CRYZL1: variants seen among roughly 807,000 people sequenced by gnomAD.
The protein encoded by CRYZL1 is crystallin zeta like 1.
A neutral mutation model predicts 50.6 loss-of-function variants in CRYZL1; 34 were observed. The observed-to-expected ratio is 0.67, with a 90% CI of 0.51 to 0.89. The LOEUF (loss-of-function observed/expected upper bound fraction) is 0.89. Among genes scored for constraint, CRYZL1 ranks in the 40% least tolerant of loss-of-function variants. The probability of loss-of-function intolerance (pLI) is 0.00; values close to 1 mark genes in which losing one functional copy is unlikely to be tolerated. For missense variants in CRYZL1, 354 were observed against 402.3 expected, an observed-to-expected ratio of 0.88 and a Z score of 1.03; for synonymous variants, 125 against 134.3, an observed-to-expected ratio of 0.93 and a Z score of 0.48.
At chr21:33,632,555 T>G (rs997570120) in intron 1 of CRYZL1, among the ~76,000 whole-genome samples, 8 of 151,822 alleles carry the variant, frequency 5.3e-5, no homozygotes, top group Admixed American at 4.6e-4. Flanking sequence ...ATTTTGTATT[T>G]TTAGTACAGA....
At chr21:33,630,589 TAA>T (rs533376675) in intron 2 of CRYZL1, among the ~76,000 whole-genome samples, 45 of 134,212 alleles carry the variant, frequency 3.4e-4, no homozygotes, top group Admixed American at 3.0e-4. Flanking sequence ...CTGTCGCAAT[TAA>T]AAAAAAAAAA....
At chr21:33,631,620 A>C (rs2087138467) in intron 1 of CRYZL1, 63 bp from the exon 2 acceptor site, 5 of 1,137,878 alleles carry the variant, frequency 4.4e-6, no homozygotes, top group Non-Finnish European at 5.9e-6. Flanking sequence ...TGTAAGCAAA[A>C]ATGGAAAAAC....
intron 1 of CRYZL1, among the ~76,000 whole-genome samples, chr21:33,637,786 T>C (rs181807400): frequency 0.02 from 2,778 of 141,246 alleles, 88 homozygotes; most frequent in African/African-American, 0.068. Context: ...TATATATATA[T>C]ATACACACAC....
intron 1 of CRYZL1, among the ~76,000 whole-genome samples, chr21:33,637,401 C>T (rs927072366): frequency 2.0e-5 from 3 of 149,514 alleles, no homozygotes; most frequent in African/African-American, 7.4e-5. Context: ...GCCGAGATCG[C>T]GCCACTGCAC....
intron 1 of CRYZL1, among the ~76,000 whole-genome samples, chr21:33,634,040 A>G (rs550344273): frequency 1.5e-4 from 23 of 152,382 alleles, no homozygotes; most frequent in African/African-American, 5.3e-4. Context: ...TGGAATTAAC[A>G]GAAATGAATA....
Position 33,624,706 on chromosome 21 carries a change from C to A in CRYZL1, c.121G>T (p.Ala41Ser), listed in dbSNP as rs1468466700. 16 of 1,600,230 alleles carry A rather than the reference C, an allele frequency of 1.0e-5. No individual in the cohort carries two copies. The highest frequency in any genetic ancestry group is 1.4e-5 in the Non-Finnish European group (16 of 1,176,648). The change falls in exon 3 of 13, where the codon GCT becomes TCT. Residue 41 changes from alanine to serine, a missense_variant. Physicochemically the swap from Ala to Ser is moderately conservative, Grantham distance 99. Transcript: ENST00000381554. ...NFVKLQVKAC[A>S]LSQINTKLLA... ...ACCTTTGTATTTATCTGGCTCAGAG[C>A]ACAAGCTTTAACTTGAAGTTTCACA... is the stretch of plus-strand genomic sequence containing the variant.
chr21:33,614,634 C>T (rs182861161), intron 5 of CRYZL1, among the ~76,000 whole-genome samples: 31 of 152,162 alleles, frequency 2.0e-4, no homozygotes, highest in Admixed American at 1.4e-3. Context: ...TGCAATGGCG[C>T]GATCTCAGCC....
At position 33,613,522 on chromosome 21, in the gene CRYZL1, C is replaced by T. The variant is rs530911935; in HGVS notation, c.331+16G>A. On this transcript the variant is annotated intron_variant, in intron 6 of 12. Transcript: ENST00000381554. ...TAAGACTTATGTGAGCTCCAAAGTA[C>T]TGAATTGCTACATACCCAAGTAATG... is the stretch of plus-strand genomic sequence containing the variant. The T allele has an allele frequency of 1.9e-6, 3 of 1,574,218 alleles. No homozygotes were observed. The East Asian group carries it at 6.7e-5, about 35-fold the overall frequency.
chr21:33,634,280 C>T (rs1332569179), intron 1 of CRYZL1, among the ~76,000 whole-genome samples: 1 of 152,136 alleles, frequency 6.6e-6, no homozygotes, highest in East Asian at 1.9e-4. Context: ...AATGCATACT[C>T]TCTCTCCCTA....
At chr21:33,614,978 A>G (rs2086912419) in intron 5 of CRYZL1, among the ~76,000 whole-genome samples, 1 of 152,148 alleles carries the variant, frequency 6.6e-6, no homozygotes, top group Non-Finnish European at 1.5e-5. Context: ...TGATTTCCTG[A>G]GCAGAATAAA....
At position 33,625,858 on chromosome 21, in the gene CRYZL1, G is replaced by A. The variant is rs117324446; in HGVS notation, c.67-1098C>T. On this transcript the variant is annotated intron_variant, in intron 2 of 12. Coordinates refer to ENST00000381554, the MANE Select transcript of CRYZL1 (RefSeq NM_145858.3). ...TAAAAAAAAATAGAGATGGTGTCTC[G>A]CTGAGTTGCCCAGGTTGGTCTTGAG... Among the ~76,000 whole-genome samples, 260 of 152,064 alleles carry A rather than the reference G, an allele frequency of 1.7e-3. 1 individual carries two copies. Among genetic ancestry groups the A allele is most frequent in the African/African-American group, 5.3e-3 (218 of 41,488 alleles).
chr21:33,593,634 A>G (rs1290935085), intron 11 of CRYZL1, among the ~76,000 whole-genome samples: 1 of 152,190 alleles, frequency 6.6e-6, no homozygotes, highest in Non-Finnish European at 1.5e-5. Context: ...GTTTGAGAGA[A>G]TTAAGTTATA....
At chr21:33,621,840 AAAAAAT>A (rs1044074602) in intron 4 of CRYZL1, among the ~76,000 whole-genome samples, 150 bp downstream of exon 4, 1 of 152,160 alleles carries the variant, frequency 6.6e-6, no homozygotes, top group Non-Finnish European at 1.5e-5. Context: ...CTTGTCTCTC[AAAAAAT>A]AAAAATAAAA....
At chr21:33,596,403 C>T (rs1266750868) in intron 10 of CRYZL1, among the ~76,000 whole-genome samples, 11 of 151,274 alleles carry the variant, frequency 7.3e-5, no homozygotes, top group Admixed American at 5.3e-4. Context: ...TTTGGGAGGC[C>T]GAGGCAGGTG....
At chr21:33,625,699 G>C (rs2087053981) in intron 2 of CRYZL1, among the ~76,000 whole-genome samples, 1 of 151,474 alleles carries the variant, frequency 6.6e-6, no homozygotes, top group African/African-American at 2.4e-5. Context: ...GCCCAGGCTG[G>C]TCTCTAAGTC....
chr21:33,637,692 A>G (rs2087225239), intron 1 of CRYZL1, among the ~76,000 whole-genome samples: 1 of 150,746 alleles, frequency 6.6e-6, no homozygotes, highest in South Asian at 2.1e-4. Context: ...TTCGGTTATA[A>G]TGTTTCTAAC....
At chr21:33,604,150 G>A (rs939383987) in intron 6 of CRYZL1, among the ~76,000 whole-genome samples, 1 of 151,922 alleles carries the variant, frequency 6.6e-6, no homozygotes, top group Non-Finnish European at 1.5e-5. Context: ...GGCGGATCAC[G>A]AGCTCAGGAG....
At chr21:33,596,290 T>C (rs1275868921) in intron 10 of CRYZL1, 4 of 384,052 alleles carry the variant, frequency 1.0e-5, no homozygotes, top group Non-Finnish European at 2.1e-5. Context: ...TATAGAAATA[T>C]TTTGCTAAGT....
chr21:33,635,390 G>C (rs1243649081), intron 1 of CRYZL1, among the ~76,000 whole-genome samples: 1 of 123,704 alleles, frequency 8.1e-6, no homozygotes, highest in East Asian at 2.4e-4. Context: ...TCGCTCTGTC[G>C]CCCAGGCTGG....
Sources: gnomAD v4.1 joint callset for allele counts (sites outside exome capture counted in the v4.1 genomes callset) on GRCh38, gnomAD v4.1.1 for gene constraint, MANE v1.5 for transcripts, NCBI Gene and HGNC (gene_info 2026-07-23, HGNC 2026-07-21) for gene names.